Variants in PRICKLE2 observed in about 807,000 individuals in gnomAD.
PRICKLE2 encodes prickle planar cell polarity protein 2.
A neutral mutation model predicts 81.4 loss-of-function variants in PRICKLE2; 21 were observed. That is an observed-to-expected ratio of 0.26 (90% CI 0.18 to 0.37). The LOEUF is 0.37. Among genes scored for constraint, PRICKLE2 ranks in the 10% least tolerant of loss-of-function variants. The pLI is 1.00. For synonymous variants in PRICKLE2, 456 were observed against 421.5 expected (o/e 1.08, Z -1.00); for missense variants, 940 against 1,109.0 (o/e 0.85, Z 2.16).
rs1489419909 is a variant in PRICKLE2, at chr3:64,096,445, C to T, written c.*2606G>A. On this transcript the variant is annotated 3_prime_UTR_variant, in exon 8 of 8. Coordinates refer to ENST00000638394, the MANE Select transcript of PRICKLE2 (RefSeq NM_198859.4). The stretch of plus-strand genomic sequence containing the variant: ...GAATTCCAAATACAGTGATGTCCTT[C>T]TCCTCAATAGGGCATTCGCTTGGGG... The T allele has an allele frequency of 6.6e-6, 1 of 152,218 alleles. No homozygotes were observed. The highest frequency in any genetic ancestry group is 1.5e-5 in the Non-Finnish European group (1 of 68,040). The allele number at this position is 152,218 out of a possible 1,614,324, so 9.4% of individuals were successfully genotyped here.
At chr3:64,120,135 T>C (rs1055685136) in intron 7 of PRICKLE2, among the ~76,000 whole-genome samples, 2 of 152,084 alleles carry the variant, frequency 1.3e-5, no homozygotes, top group African/African-American at 4.8e-5. Context: ...ACAGGAGGAA[T>C]CATACCCCAA....
At position 64,160,080 on chromosome 3, in the gene PRICKLE2, G is replaced by C. The variant is rs775210513; in HGVS notation, c.259-3C>G. On this transcript the variant is annotated splice_polypyrimidine_tract_variant and splice_region_variant and intron_variant, in intron 3 of 7. Coordinates refer to ENST00000638394, the MANE Select transcript of PRICKLE2 (RefSeq NM_198859.4). ...TCCAGGGAGTTGCAATATCGAACCTGAATAGACACAGACAATGGCATGGAA... is the reference window on the plus strand; with the variant it reads ...TCCAGGGAGTTGCAATATCGAACCTCAATAGACACAGACAATGGCATGGAA... 6.2e-7 allele frequency: 1 copy of C among 1,613,810 alleles called. No individual in the cohort carries two copies. The highest frequency in any genetic ancestry group is 1.1e-5 in the South Asian group (1 of 91,072).
intron 7 of PRICKLE2, among the ~76,000 whole-genome samples, chr3:64,128,669 C>T (rs896646436): frequency 1.4e-5 from 2 of 147,616 alleles, no homozygotes; most frequent in Non-Finnish European, 3.0e-5. Flanking sequence ...TAATGTGAAC[C>T]CGGGAGGGAG....
chr3:64,135,741 C>A (rs1482588294), intron 7 of PRICKLE2, among the ~76,000 whole-genome samples: 3 of 152,054 alleles, frequency 2.0e-5, no homozygotes, highest in Non-Finnish European at 4.4e-5. Flanking sequence ...CACCTGCGTG[C>A]ACACACACAG....
chr3:64,149,883 T>A (rs1339043128), intron 6 of PRICKLE2, among the ~76,000 whole-genome samples: 2 of 150,832 alleles, frequency 1.3e-5, no homozygotes, highest in Admixed American at 1.3e-4. Flanking sequence ...TAAGAGGGGA[T>A]TTTTTTTTAT....
intron 7 of PRICKLE2, among the ~76,000 whole-genome samples, chr3:64,123,665 T>C (rs1039380418): frequency 1.3e-5 from 2 of 152,238 alleles, no homozygotes; most frequent in African/African-American, 4.8e-5. Flanking sequence ...TCATTATTAT[T>C]ATATCTATTA....
chr3:64,217,443 T>C (rs1221413097), intron 1 of PRICKLE2, among the ~76,000 whole-genome samples: 1 of 152,202 alleles, frequency 6.6e-6, no homozygotes. Context: ...ATAGTGTACA[T>C]TGTACCCATT....
At chr3:64,109,345 T>G (rs1175046555) in intron 7 of PRICKLE2, among the ~76,000 whole-genome samples, 1 of 152,232 alleles carries the variant, frequency 6.6e-6, no homozygotes, top group South Asian at 2.1e-4. Context: ...CTAATTTTCC[T>G]GGCAGGTTTG....
At chr3:64,221,000 G>A (rs1052258265) in intron 1 of PRICKLE2, among the ~76,000 whole-genome samples, 17 of 152,236 alleles carry the variant, frequency 1.1e-4, no homozygotes, top group Admixed American at 5.2e-4. Context: ...GAGGGTTTTC[G>A]GATTTAAAAT....
chr3:64,159,847 A>C (rs575628175), intron 4 of PRICKLE2, 93 bp downstream of exon 4: 28 of 1,510,560 alleles, frequency 1.9e-5, no homozygotes, highest in Non-Finnish European at 2.5e-5. Context: ...TCTCAGGCAC[A>C]TAGTAGGCAC....
chr3:64,230,986 G>C (rs1274582181), intron 2 of PRICKLE2, among the ~76,000 whole-genome samples: 1 of 152,162 alleles, frequency 6.6e-6, no homozygotes, highest in Non-Finnish European at 1.5e-5. Flanking sequence ...CATTTGTGAA[G>C]ATTCCATATC....
At chr3:64,160,170 T>C (rs1275157668) in intron 3 of PRICKLE2, 93 bp from the exon 4 acceptor site, 1 of 1,402,076 alleles carries the variant, frequency 7.1e-7, no homozygotes, top group Non-Finnish European at 1.0e-6. Context: ...TTAAATACAC[T>C]CTCATTTGGT....
chr3:64,110,640 G>C (rs1197465568), intron 7 of PRICKLE2, among the ~76,000 whole-genome samples: 1 of 152,128 alleles, frequency 6.6e-6, no homozygotes, highest in Non-Finnish European at 1.5e-5. Context: ...GGATGAGAAG[G>C]AGCCCACCCA....
intron 7 of PRICKLE2, among the ~76,000 whole-genome samples, chr3:64,138,137 G>A (rs2077305473): frequency 6.6e-6 from 1 of 152,226 alleles, no homozygotes; most frequent in South Asian, 2.1e-4. Context: ...TACCTATGGT[G>A]CCTGTGGTTT....
chr3:64,156,277 G>T (rs2077633926), intron 5 of PRICKLE2, among the ~76,000 whole-genome samples: 1 of 152,190 alleles, frequency 6.6e-6, no homozygotes, highest in Admixed American at 6.5e-5. Context: ...CCTAGAAAGT[G>T]AGTCCCTCGT....
chr3:64,249,098 G>C (rs1303443593), intron 2 of PRICKLE2, among the ~76,000 whole-genome samples: 2 of 152,098 alleles, frequency 1.3e-5, no homozygotes, highest in Non-Finnish European at 2.9e-5. Context: ...CTGAGACTGG[G>C]CAATTTATGA....
chr3:64,180,471 C>A (rs2598346), intron 2 of PRICKLE2, among the ~76,000 whole-genome samples: 1 of 152,090 alleles, frequency 6.6e-6, no homozygotes, highest in Non-Finnish European at 1.5e-5. Flanking sequence ...ACTTCCCATT[C>A]TCCTCCCCTT....
At chr3:64,163,779 T>C (rs2077774302) in intron 2 of PRICKLE2, 1 of 153,872 alleles carries the variant, frequency 6.5e-6, no homozygotes, top group Non-Finnish European at 1.4e-5. Flanking sequence ...TCTTGTACTT[T>C]ATGAGGCTCA....
At chr3:64,135,644 G>A (rs1487627162) in intron 7 of PRICKLE2, among the ~76,000 whole-genome samples, 1 of 151,840 alleles carries the variant, frequency 6.6e-6, no homozygotes, top group African/African-American at 2.4e-5. Context: ...ATTTGGGGTG[G>A]GCAGGCTGAA....
Sources: allele counts gnomAD v4.1 joint callset (sites outside exome capture counted in the v4.1 genomes callset), GRCh38; gene constraint gnomAD v4.1.1; transcripts MANE v1.5; gene names NCBI Gene and HGNC (gene_info 2026-07-23, HGNC 2026-07-21).